Variants in NID1 observed in about 807,000 individuals in gnomAD.
NID1 encodes nidogen-1.
Under a neutral mutation model 130.6 loss-of-function variants are expected in NID1, and 76 were observed. The ratio of observed to expected loss-of-function variants is 0.58; its 90% CI spans 0.48 to 0.70. The LOEUF (loss-of-function observed/expected upper bound fraction) is 0.70. Ranked by LOEUF, NID1 falls within the 30% of genes least tolerant of loss-of-function variation. NID1 has a pLI of 0.00. For missense variants in NID1, 1,517 were observed against 1,664.8 expected (o/e 0.91, Z 1.54); for synonymous variants, 665 against 675.1 (o/e 0.98, Z 0.23).
chr1:236,011,840 A>G, intron 12 of NID1, 81 bp downstream of exon 12: 1 of 1,530,688 alleles, frequency 6.5e-7, no homozygotes, highest in East Asian at 2.3e-5. Context: ...CTCTGGATTC[A>G]TGGACAGGGC....
At chr1:236,044,062 A>G (rs1232747258) in intron 3 of NID1, among the ~76,000 whole-genome samples, 1 of 152,180 alleles carries the variant, frequency 6.6e-6, no homozygotes, top group Non-Finnish European at 1.5e-5. Context: ...TATACGGTGG[A>G]CAGAGGGGAC....
At chr1:236,054,664 CAG>C (rs1198795099) in intron 1 of NID1, among the ~76,000 whole-genome samples, 3 of 150,972 alleles carry the variant, frequency 2.0e-5, no homozygotes, top group African/African-American at 4.9e-5. Context: ...TTTTTTGAGA[CAG>C]AGTCTCGCTC....
intron 14 of NID1, among the ~76,000 whole-genome samples, chr1:235,989,551 T>C (rs1251328345): frequency 6.6e-6 from 1 of 152,204 alleles, no homozygotes; most frequent in Non-Finnish European, 1.5e-5. Flanking sequence ...AATACCTCCA[T>C]GAAACAAATG....
At chr1:235,995,952 G>A (rs899265747) in intron 12 of NID1, among the ~76,000 whole-genome samples, 2 of 152,168 alleles carry the variant, frequency 1.3e-5, no homozygotes, top group African/African-American at 4.8e-5. Flanking sequence ...TTGAGTCCAG[G>A]AGTTCAAGAA....
chr1:236,038,928 A>G (rs1024017023), intron 4 of NID1, among the ~76,000 whole-genome samples: 1 of 141,926 alleles, frequency 7.0e-6, no homozygotes, highest in Non-Finnish European at 1.5e-5. Flanking sequence ...ACATATATGT[A>G]ATATATATTA....
chr1:236,011,467 T>G (rs1658419496), intron 12 of NID1, among the ~76,000 whole-genome samples: 1 of 152,104 alleles, frequency 6.6e-6, no homozygotes, highest in African/African-American at 2.4e-5. Flanking sequence ...TACGCCTGAC[T>G]AATTTTTGTA....
At chr1:236,029,851 G>C in intron 6 of NID1, 101 bp from the exon 7 acceptor site, 1 of 1,067,644 alleles carries the variant, frequency 9.4e-7, no homozygotes, top group Non-Finnish European at 1.4e-6. Flanking sequence ...GAACGCTTCT[G>C]CAGGTGCTTT....
At chr1:235,984,483 T>C (rs921395275) in intron 15 of NID1, among the ~76,000 whole-genome samples, 4 of 152,168 alleles carry the variant, frequency 2.6e-5, no homozygotes, top group Non-Finnish European at 4.4e-5. Flanking sequence ...AAACATTCCA[T>C]TGAAAATAGA....
At chr1:235,994,122 G>A (rs190216936) in intron 12 of NID1, among the ~76,000 whole-genome samples, 14 of 152,262 alleles carry the variant, frequency 9.2e-5, no homozygotes, top group Admixed American at 9.2e-4. Context: ...AAAAAATTGA[G>A]GCAAAAAGAA....
At chr1:236,013,602 C>T (rs751351013) in intron 10 of NID1, 42 bp from the exon 11 acceptor site, 16 of 1,612,958 alleles carry the variant, frequency 9.9e-6, no homozygotes, top group Non-Finnish European at 1.3e-5. Flanking sequence ...GGAAGAAAGT[C>T]CCCTGAGCAG....
intron 9 of NID1, 25 bp from the exon 10 acceptor site, chr1:236,017,298 G>T (rs1658627987): frequency 2.5e-6 from 4 of 1,611,942 alleles, no homozygotes; most frequent in Non-Finnish European, 3.4e-6. Context: ...TTTTTTTACT[G>T]CAGGCTTTTT....
chr1:236,049,777 C>T (rs1198574993), intron 1 of NID1, among the ~76,000 whole-genome samples: 2 of 152,106 alleles, frequency 1.3e-5, no homozygotes, highest in African/African-American at 4.8e-5. Flanking sequence ...TGGTGGCTCA[C>T]ACCTGTAATC....
chr1:235,980,520 A>G lies in NID1; in HGVS notation c.3361T>C (p.Ser1121Pro). ...PNGLTFDAFS[S>P]QLCWVDAGTN... Reference sequence around the variant, plus strand: ...CCTGCATCCACCCAGCAGAGCTGAGATGAGAACGCATCGAAGGTCAGTCCA... The same window carrying G: ...CCTGCATCCACCCAGCAGAGCTGAGGTGAGAACGCATCGAAGGTCAGTCCA... The change falls in exon 17 of 20, where the codon TCT becomes CCT. Residue 1121 changes from serine to proline, a missense_variant. This residue lies in a region of NID1 where 181 missense variants were observed against 211.3 expected (regional missense o/e 0.86). Coordinates refer to ENST00000264187, the MANE Select transcript of NID1 (RefSeq NM_002508.3). 1 of 1,614,166 alleles carries G rather than the reference A, an allele frequency of 6.2e-7. No individual in the cohort carries two copies. Among genetic ancestry groups the G allele is most frequent in the Non-Finnish European group, 8.5e-7 (1 of 1,180,018 alleles).
rs144352638 is a variant in NID1 at position 236,017,415 on chromosome 1, T to G, written c.2129-142A>C. The G allele has an allele frequency of 5.3e-3, 4,828 of 902,678 alleles. 147 individuals are homozygous for G. In the African/African-American group the frequency reaches 0.07, roughly 13 times the overall value. 55.9% of individuals were successfully genotyped at this position (902,678 alleles called of 1,614,324 possible). Reference sequence around the variant, plus strand: ...TTTTTTTTTTTCCGAGATGGAGTCTTGCTCTGTCGCCCAGAGCTGGAGTGC... The same window carrying G: ...TTTTTTTTTTTCCGAGATGGAGTCTGGCTCTGTCGCCCAGAGCTGGAGTGC... On this transcript the variant is annotated intron_variant, in intron 9 of 19. Coordinates refer to ENST00000264187, the MANE Select transcript of NID1 (RefSeq NM_002508.3).
chr1:236,055,943 G>A (rs985231351), intron 1 of NID1, among the ~76,000 whole-genome samples: 1 of 152,080 alleles, frequency 6.6e-6, no homozygotes, highest in African/African-American at 2.4e-5. Context: ...ACAGATAGCC[G>A]TGATAGATCA....
intron 3 of NID1, 133 bp from the exon 4 acceptor site, chr1:236,042,425 A>G: frequency 8.6e-7 from 1 of 1,163,804 alleles, no homozygotes; most frequent in Non-Finnish European, 1.2e-6. Context: ...GGAGAGTGGA[A>G]GGGCACTGGC....
At chr1:235,999,067 G>A (rs760697447) in intron 12 of NID1, among the ~76,000 whole-genome samples, 8 of 152,182 alleles carry the variant, frequency 5.3e-5, no homozygotes, top group African/African-American at 1.4e-4. Flanking sequence ...AACCTGTTAC[G>A]ACAACAGCGA....
intron 4 of NID1, among the ~76,000 whole-genome samples, chr1:236,039,651 A>G (rs1327102939): frequency 2.0e-5 from 3 of 152,220 alleles, no homozygotes; most frequent in Non-Finnish European, 4.4e-5. Context: ...AAAGCACAAG[A>G]GGGGTAAACT....
At chr1:235,993,524 T>TAAGTGAGAGGGAAGAAGGGTGCAGGA (rs1657825365) in intron 13 of NID1, 121 bp downstream of exon 13, 1 of 899,850 alleles carries the variant, frequency 1.1e-6, no homozygotes, top group African/African-American at 2.7e-5. Context: ...CGGGTGGGGC[T>TAAGTGAGAGGGAAGAAGGGTGCAGGA]GGAGCCAGTG....
Sources: allele counts gnomAD v4.1 joint callset (sites outside exome capture counted in the v4.1 genomes callset), GRCh38; gene constraint gnomAD v4.1.1; regional missense constraint gnomAD v4.1.1; transcripts MANE v1.5; gene names NCBI Gene and HGNC (gene_info 2026-07-23, HGNC 2026-07-21).